Variants in CNTNAP5 observed in about 807,000 individuals in gnomAD.
CNTNAP5 encodes the protein contactin associated protein family member 5, also known as contactin-associated protein-like 5.
CNTNAP5 carries 72 observed loss-of-function variants against 150.2 expected under a neutral mutation model. The ratio of observed to expected loss-of-function variants is 0.48; its 90% CI spans 0.40 to 0.58. The LOEUF (loss-of-function observed/expected upper bound fraction) is 0.58. CNTNAP5 is among the 20% of genes least tolerant of loss of function. CNTNAP5 has a pLI of 0.00. For missense variants in CNTNAP5, 1,636 were observed against 1,626.2 expected (o/e 1.01, Z -0.10); for synonymous variants, 672 against 619.8 (o/e 1.08, Z -1.25).
intron 19 of CNTNAP5, among the ~76,000 whole-genome samples, chr2:124,847,009 G>A (rs950423510): frequency 3.3e-5 from 5 of 152,178 alleles, no homozygotes; most frequent in African/African-American, 1.2e-4. Context: ...GAGGGTCTTT[G>A]GTTGTGTTTT....
intron 11 of CNTNAP5, among the ~76,000 whole-genome samples, chr2:124,578,602 C>A (rs1696346576): frequency 6.6e-6 from 1 of 151,934 alleles, no homozygotes; most frequent in Admixed American, 6.6e-5. Context: ...GAAACTTTAT[C>A]TCTACCGAAA....
chr2:124,504,288 C>T lies in CNTNAP5; in HGVS notation c.1063-4C>T. ...TTATATGTTTGACTTTTATTGTTTT[C>T]CAGGGCAATGTCACTTTTTCCTGCT... is the stretch of plus-strand genomic sequence containing the variant. On this transcript the variant is annotated splice_polypyrimidine_tract_variant and splice_region_variant and intron_variant, in intron 7 of 23. Coordinates refer to ENST00000682447, the MANE Select transcript of CNTNAP5 (RefSeq NM_001367498.1). The T allele has an allele frequency of 6.2e-7, 1 of 1,608,778 alleles. No homozygotes were observed. The highest frequency in any genetic ancestry group is 8.5e-7 in the Non-Finnish European group (1 of 1,175,616).
At chr2:124,586,898 T>A (rs943582777) in intron 11 of CNTNAP5, among the ~76,000 whole-genome samples, 1 of 152,182 alleles carries the variant, frequency 6.6e-6, no homozygotes, top group African/African-American at 2.4e-5. Flanking sequence ...TGTACCTGGG[T>A]AAGATGCATG....
rs201750213 is a variant in CNTNAP5 at position 124,694,621 on chromosome 2, C to CA, written c.2077+46670dup. ...TGGTAATGTTTAATAACAAGGTCTC[C>CA]AAAAAAATGTGAATGTGTCTAGATA... On this transcript the variant is annotated intron_variant, in intron 13 of 23. Transcript: ENST00000682447. 1.2e-4 allele frequency among the ~76,000 whole-genome samples: 19 copies of CA among 152,104 alleles called. No individual in the cohort carries two copies. In the East Asian group the frequency reaches 3.3e-3, roughly 26 times the overall value.
intron 3 of CNTNAP5, among the ~76,000 whole-genome samples, chr2:124,361,127 A>G (rs1335902499): frequency 6.8e-6 from 1 of 146,764 alleles, no homozygotes; most frequent in East Asian, 2.0e-4. Flanking sequence ...TGCATTCTTC[A>G]TGTAGTTCTC....
At chr2:124,644,277 G>A (rs1678158838) in intron 12 of CNTNAP5, among the ~76,000 whole-genome samples, 3 of 152,180 alleles carry the variant, frequency 2.0e-5, no homozygotes, top group South Asian at 4.1e-4. Context: ...CACCACAGCT[G>A]ACTTTCTTTC....
At chr2:124,767,312 C>G (rs1208975670) in intron 16 of CNTNAP5, among the ~76,000 whole-genome samples, 2 of 152,182 alleles carry the variant, frequency 1.3e-5, no homozygotes. Context: ...TTCCAGCCTG[C>G]TTTCAAAGAT....
intron 2 of CNTNAP5, among the ~76,000 whole-genome samples, chr2:124,223,608 G>C (rs993403291): frequency 1.3e-5 from 2 of 151,912 alleles, no homozygotes; most frequent in Non-Finnish European, 2.9e-5. Context: ...TTGTGCAGCA[G>C]CAGAAAGCAA....
intron 19 of CNTNAP5, among the ~76,000 whole-genome samples, chr2:124,828,178 G>C (rs996949318): frequency 6.6e-6 from 1 of 152,078 alleles, no homozygotes; most frequent in Non-Finnish European, 1.5e-5. Flanking sequence ...ATGTCTACTT[G>C]TTATTTAAAA....
In CNTNAP5 at chr2:124,145,880, G is replaced by T. The variant is rs140630384; in HGVS notation, c.83-75825G>T. Among the ~76,000 whole-genome samples, 1,105 of 144,862 alleles carry T rather than the reference G, an allele frequency of 7.6e-3. 9 individuals are homozygous for T. The highest frequency in any genetic ancestry group is 0.027 in the African/African-American group (1,035 of 39,004). On this transcript the variant is annotated intron_variant, in intron 1 of 23. Coordinates refer to ENST00000682447, the MANE Select transcript of CNTNAP5 (RefSeq NM_001367498.1). ...ATTTAATGGGATTTGGAGCTTTGAA[G>T]TTCATGGGAAGGATTGAAATGTGAT...
At chr2:124,270,144 C>T (rs1489742542) in intron 3 of CNTNAP5, among the ~76,000 whole-genome samples, 2 of 151,946 alleles carry the variant, frequency 1.3e-5, no homozygotes, top group Admixed American at 6.6e-5. Context: ...GGTGAAACCC[C>T]GTCTCTACTA....
chr2:124,599,102 T>C (rs1696914470), intron 11 of CNTNAP5, among the ~76,000 whole-genome samples: 3 of 152,184 alleles, frequency 2.0e-5, no homozygotes, highest in Admixed American at 6.5e-5. Context: ...ATCACCCGTC[T>C]TCTGCGTCGC....
intron 10 of CNTNAP5, among the ~76,000 whole-genome samples, chr2:124,529,358 C>T (rs1394247601): frequency 6.6e-6 from 1 of 152,114 alleles, no homozygotes; most frequent in Non-Finnish European, 1.5e-5. Context: ...AAGTCATTGC[C>T]ATGTACTCTG....
At chr2:124,199,081 C>A (rs1415917773) in intron 1 of CNTNAP5, among the ~76,000 whole-genome samples, 1 of 152,056 alleles carries the variant, frequency 6.6e-6, no homozygotes, top group Non-Finnish European at 1.5e-5. Flanking sequence ...CAAGGTATTT[C>A]TTCTCATTAT....
chr2:124,834,212 T>G (rs946131634), intron 19 of CNTNAP5, among the ~76,000 whole-genome samples: 5 of 152,196 alleles, frequency 3.3e-5, no homozygotes, highest in Non-Finnish European at 5.9e-5. Context: ...TTAAATTTGT[T>G]TTCTTGACCA....
intron 1 of CNTNAP5, among the ~76,000 whole-genome samples, chr2:124,213,341 A>G (rs1242860608): frequency 6.6e-6 from 1 of 152,220 alleles, no homozygotes; most frequent in African/African-American, 2.4e-5. Flanking sequence ...AAAAATCATA[A>G]CATAATATTT....
intron 1 of CNTNAP5, among the ~76,000 whole-genome samples, chr2:124,036,713 C>A (rs575595116): frequency 2.0e-5 from 3 of 152,086 alleles, no homozygotes; most frequent in Non-Finnish European, 2.9e-5. Context: ...ACACTCTGTG[C>A]CAAGGTTGGT....
chr2:124,260,371 A>G (rs1258426406), intron 3 of CNTNAP5, among the ~76,000 whole-genome samples: 1 of 152,250 alleles, frequency 6.6e-6, no homozygotes, highest in Non-Finnish European at 1.5e-5. Flanking sequence ...TTAATTCAAG[A>G]TGGATTAAAG....
chr2:124,242,479 G>T (rs945395302), intron 3 of CNTNAP5, 86 bp downstream of exon 3: 3 of 1,309,988 alleles, frequency 2.3e-6, no homozygotes, highest in Non-Finnish European at 2.1e-6. Context: ...CCAATATCCA[G>T]ATTGTTGGTA....
Sources: gnomAD v4.1 joint callset for allele counts (sites outside exome capture counted in the v4.1 genomes callset) on GRCh38, gnomAD v4.1.1 for gene constraint, MANE v1.5 for transcripts, NCBI Gene and HGNC (gene_info 2026-07-23, HGNC 2026-07-21) for gene names.